The following PATJ variants were observed in gnomAD, a reference collection of about 807,000 sequenced individuals.
PATJ encodes the protein inaD-like protein.
PATJ carries 190 observed loss-of-function variants against 224.9 expected under a neutral mutation model. The observed-to-expected ratio is 0.84, with a 90% confidence interval of 0.75 to 0.95. The LOEUF is 0.95. PATJ is among the 40% of genes least tolerant of loss of function. The probability of loss-of-function intolerance (pLI) is 0.00; values close to 1 mark genes in which losing one functional copy is unlikely to be tolerated. For missense variants in PATJ, 2,121 were observed against 2,270.3 expected, an observed-to-expected ratio of 0.93 and a Z score of 1.34; for synonymous variants, 769 against 820.3, an observed-to-expected ratio of 0.94 and a Z score of 1.07.
chr1:61,916,320 A>G (rs1490924707), intron 26 of PATJ, among the ~76,000 whole-genome samples: 2 of 152,144 alleles, frequency 1.3e-5, no homozygotes, highest in African/African-American at 2.4e-5. Context: ...GTGTGTATAT[A>G]TGATATTTTT....
intron 26 of PATJ, among the ~76,000 whole-genome samples, chr1:61,924,281 T>C (rs984601553): frequency 1.3e-5 from 2 of 152,062 alleles, no homozygotes; most frequent in Non-Finnish European, 2.9e-5. Flanking sequence ...GGCAGGAGAA[T>C]TGCTTGAACC....
chr1:61,756,187 T>C (rs995857935), intron 1 of PATJ, among the ~76,000 whole-genome samples: 9 of 152,198 alleles, frequency 5.9e-5, no homozygotes, highest in African/African-American at 2.2e-4. Flanking sequence ...ACTTGTGCCT[T>C]TATGGGCCAA....
chr1:62,155,709 AG>A (rs1181295581), intron 43 of PATJ, among the ~76,000 whole-genome samples: 1 of 150,590 alleles, frequency 6.6e-6, no homozygotes, highest in South Asian at 2.1e-4. Context: ...AAAAAAAAAA[AG>A]ACAAATTTCT....
At chr1:62,020,265 G>A (rs1330722473) in intron 29 of PATJ, among the ~76,000 whole-genome samples, 3 of 152,026 alleles carry the variant, frequency 2.0e-5, no homozygotes, top group Non-Finnish European at 4.4e-5. Flanking sequence ...CATTGCAAAT[G>A]GTACAATGTA....
chr1:62,059,270 A>G (rs948588466), intron 31 of PATJ, among the ~76,000 whole-genome samples: 1 of 152,198 alleles, frequency 6.6e-6, no homozygotes, highest in Non-Finnish European at 1.5e-5. Context: ...ATGGTTTTCA[A>G]CAGAGGATTA....
chr1:62,025,607 G>A (rs1048572341), intron 29 of PATJ, among the ~76,000 whole-genome samples: 1 of 152,196 alleles, frequency 6.6e-6, no homozygotes, highest in African/African-American at 2.4e-5. Context: ...GATCACTTGA[G>A]GCCAGGAGTT....
intron 17 of PATJ, among the ~76,000 whole-genome samples, chr1:61,840,747 A>G (rs1385668776): frequency 6.6e-6 from 1 of 152,062 alleles, no homozygotes; most frequent in Non-Finnish European, 1.5e-5. Context: ...AAAGGTGGGA[A>G]TAAATCTTGT....
chr1:62,034,559 T>C (rs1026160136), intron 29 of PATJ, among the ~76,000 whole-genome samples: 1 of 152,136 alleles, frequency 6.6e-6, no homozygotes, highest in Non-Finnish European at 1.5e-5. Flanking sequence ...CCACTGCTTG[T>C]CTGAAGTGTA....
chr1:61,865,767 A>C (rs1429820810), intron 20 of PATJ, among the ~76,000 whole-genome samples: 1 of 152,294 alleles, frequency 6.6e-6, no homozygotes, highest in African/African-American at 2.4e-5. Flanking sequence ...TAATATGTTC[A>C]TATGCAGCGT....
intron 42 of PATJ, among the ~76,000 whole-genome samples, chr1:62,150,629 G>C (rs1668521047): frequency 7.4e-6 from 1 of 134,738 alleles, no homozygotes; most frequent in African/African-American, 2.8e-5. Context: ...ACGGGCTGCA[G>C]TTGTGCCACT....
At chr1:61,948,747 A>G (rs564906406) in intron 27 of PATJ, among the ~76,000 whole-genome samples, 14 of 152,338 alleles carry the variant, frequency 9.2e-5, no homozygotes, top group Admixed American at 5.2e-4. Context: ...TCATGCTGCT[A>G]TAAAGACACT....
intron 33 of PATJ, among the ~76,000 whole-genome samples, chr1:62,103,868 G>A (rs76211009): frequency 0.019 from 2,955 of 152,236 alleles, 105 homozygotes; most frequent in African/African-American, 0.067. Context: ...GGAGCCCTGG[G>A]GAGGTTAACA....
In PATJ at chr1:62,096,869, G is replaced by A. The variant is rs200149096; in HGVS notation, c.4378-11568G>A. On this transcript the variant is annotated intron_variant, in intron 33 of 43. Coordinates refer to ENST00000642238, the MANE Select transcript of PATJ (RefSeq NM_001350145.3). ...TGACCTCAGGTGATCCACCTGCCTC[G>A]GCCTCCCAAAGTGCTGGGATTACAG... 3.9e-5 allele frequency among the ~76,000 whole-genome samples: 6 copies of A among 152,068 alleles called. No individual in the cohort carries two copies. The East Asian group carries it at 9.7e-4, about 24-fold the overall frequency.
intron 14 of PATJ, among the ~76,000 whole-genome samples, 197 bp downstream of exon 14, chr1:61,808,727 T>C (rs1019032095): frequency 6.6e-6 from 1 of 152,188 alleles, no homozygotes; most frequent in Non-Finnish European, 1.5e-5. Flanking sequence ...TTTAAATTCT[T>C]GCTGAAGAAA....
intron 22 of PATJ, among the ~76,000 whole-genome samples, chr1:61,893,796 A>G (rs72676233): frequency 0.022 from 3,332 of 151,856 alleles, 64 homozygotes; most frequent in Non-Finnish European, 0.033. Context: ...GAGAAAAAAA[A>G]AAAGAAGTGA....
At chr1:62,055,899 G>A (rs1196520552) in intron 31 of PATJ, among the ~76,000 whole-genome samples, 4 of 152,166 alleles carry the variant, frequency 2.6e-5, no homozygotes, top group Non-Finnish European at 5.9e-5. Flanking sequence ...GGGGAGCCAG[G>A]AGCAAATTCA....
At chr1:61,981,946 G>A (rs1001505644) in intron 27 of PATJ, among the ~76,000 whole-genome samples, 4 of 152,098 alleles carry the variant, frequency 2.6e-5, no homozygotes, top group Non-Finnish European at 5.9e-5. Context: ...TGGGGTATCA[G>A]GCGTGAGCCA....
At chr1:61,852,283 T>G (rs1662954305) in intron 17 of PATJ, among the ~76,000 whole-genome samples, 1 of 152,170 alleles carries the variant, frequency 6.6e-6, no homozygotes, top group African/African-American at 2.4e-5. Flanking sequence ...TAGTACATGT[T>G]TCTCATGTTC....
chr1:61,859,580 A>G (rs1664231030), intron 18 of PATJ, among the ~76,000 whole-genome samples: 2 of 151,478 alleles, frequency 1.3e-5, no homozygotes. Flanking sequence ...TCTCTCTCAT[A>G]GTAAAATTGA....
Sources: gnomAD v4.1 joint callset for allele counts (sites outside exome capture counted in the v4.1 genomes callset) on GRCh38, gnomAD v4.1.1 for gene constraint, MANE v1.5 for transcripts, NCBI Gene and HGNC (gene_info 2026-07-23, HGNC 2026-07-21) for gene names.